RARB: variants seen among roughly 807,000 people sequenced by gnomAD.
The protein encoded by RARB is HBV-activated protein.
Under a neutral mutation model 51.9 loss-of-function variants are expected in RARB, and 17 were observed. That is an observed-to-expected ratio of 0.33 (90% CI 0.22 to 0.49). RARB has a LOEUF of 0.49. Among genes scored for constraint, RARB ranks in the 20% least tolerant of loss-of-function variants. The pLI is 0.99. For missense variants in RARB, 369 were observed against 550.8 expected (o/e 0.67, Z 3.30); for synonymous variants, 215 against 195.4 (o/e 1.10, Z -0.84).
At chr3:24,877,471 T>A (rs1386429785) in intron 2 of RARB, among the ~76,000 whole-genome samples, 1 of 151,006 alleles carries the variant, frequency 6.6e-6, no homozygotes, top group African/African-American at 2.4e-5. Flanking sequence ...GAGAATTTGT[T>A]GAAAGGCTAT....
intron 5 of RARB, among the ~76,000 whole-genome samples, chr3:25,422,627 A>G (rs997909937): frequency 2.0e-5 from 3 of 152,090 alleles, no homozygotes; most frequent in African/African-American, 7.2e-5. Flanking sequence ...GGAAATGAAG[A>G]CAATAAGGTA....
intron 2 of RARB, among the ~76,000 whole-genome samples, chr3:24,956,528 C>T (rs1044018926): frequency 5.4e-4 from 82 of 152,128 alleles, no homozygotes; most frequent in Non-Finnish European, 7.1e-4. Flanking sequence ...GGCTCTGAAA[C>T]CAGGATCTGA....
chr3:25,399,859 C>G (rs1707217587), intron 5 of RARB, among the ~76,000 whole-genome samples: 1 of 152,292 alleles, frequency 6.6e-6, no homozygotes, highest in South Asian at 2.1e-4. Flanking sequence ...CTGGGTCTCC[C>G]ACCACGAATG....
chr3:25,166,915 C>T (rs73145385), intron 4 of RARB, among the ~76,000 whole-genome samples: 3,295 of 152,242 alleles, frequency 0.022, 142 homozygotes, highest in African/African-American at 0.075. Context: ...CAAGCCAAAT[C>T]CCATCTATAT....
At chr3:24,868,785 C>CT (rs1454550130) in intron 2 of RARB, among the ~76,000 whole-genome samples, 1 of 152,168 alleles carries the variant, frequency 6.6e-6, no homozygotes, top group Non-Finnish European at 1.5e-5. Context: ...TAGACAATAA[C>CT]TTTTTGAATC....
chr3:25,591,993 C>G (rs1313273995), intron 5 of RARB, among the ~76,000 whole-genome samples: 2 of 152,200 alleles, frequency 1.3e-5, no homozygotes, highest in Non-Finnish European at 2.9e-5. Context: ...GTGGATCCAC[C>G]ACCAGTCAGA....
intron 5 of RARB, among the ~76,000 whole-genome samples, chr3:25,335,591 G>C (rs888568245): frequency 1.3e-5 from 2 of 152,114 alleles, no homozygotes; most frequent in East Asian, 3.9e-4. Context: ...TCTGCCCTAG[G>C]GTAACTGCTA....
intron 3 of RARB, among the ~76,000 whole-genome samples, chr3:25,077,590 T>C (rs1698896620): frequency 1.3e-5 from 2 of 152,186 alleles, no homozygotes. Context: ...CTTTGGTGGA[T>C]GGACATTTGG....
chr3:25,025,848 C>T lies in RARB; in HGVS notation c.-379-34277C>T, dbSNP rs150750525. Among the ~76,000 whole-genome samples, 624 of 152,098 alleles carry T rather than the reference C, an allele frequency of 4.1e-3. 4 individuals carry two copies. Among genetic ancestry groups the T allele is most frequent in the African/African-American group, 0.014 (582 of 41,488 alleles). Reference sequence around the variant, plus strand: ...TCCCATTAAGTGTCAGTTTGCAAAACGCATTATAAGGATAAGAAATCTGTA... The same window carrying T: ...TCCCATTAAGTGTCAGTTTGCAAAATGCATTATAAGGATAAGAAATCTGTA... On this transcript the variant is annotated intron_variant, in intron 2 of 11. Transcript: ENST00000383772.
chr3:24,931,645 T>C (rs763458881), intron 2 of RARB, among the ~76,000 whole-genome samples: 2 of 152,102 alleles, frequency 1.3e-5, no homozygotes, highest in African/African-American at 4.8e-5. Context: ...CACAAAACTT[T>C]GCACTGAACA....
At chr3:24,912,008 T>TA (rs1049010995) in intron 2 of RARB, among the ~76,000 whole-genome samples, 30 of 152,300 alleles carry the variant, frequency 2.0e-4, no homozygotes, top group Middle Eastern at 3.4e-3. Flanking sequence ...CGTGCAATGA[T>TA]AAAAAAACAT....
intron 2 of RARB, among the ~76,000 whole-genome samples, chr3:24,868,136 A>G (rs1702884429): frequency 1.3e-5 from 2 of 152,152 alleles, no homozygotes; most frequent in South Asian, 4.1e-4. Flanking sequence ...TTACTCTTCA[A>G]TCTTTTTAAT....
At chr3:25,443,592 G>A (rs959022325) in intron 1 of RARB, among the ~76,000 whole-genome samples, 2 of 147,382 alleles carry the variant, frequency 1.4e-5, no homozygotes, top group Non-Finnish European at 3.0e-5. Flanking sequence ...TAGCCTGGGC[G>A]ACAGACAGAC....
At chr3:25,347,772 C>A (rs1010348992) in intron 5 of RARB, among the ~76,000 whole-genome samples, 1 of 152,130 alleles carries the variant, frequency 6.6e-6, no homozygotes, top group Non-Finnish European at 1.5e-5. Flanking sequence ...AGAGTGAATG[C>A]AATGAAACTC....
At chr3:25,355,693 C>G (rs892351607) in intron 5 of RARB, among the ~76,000 whole-genome samples, 1 of 152,100 alleles carries the variant, frequency 6.6e-6, no homozygotes, top group African/African-American at 2.4e-5. Flanking sequence ...TGTTATCAGA[C>G]TGAAAGCAAA....
intron 4 of RARB, among the ~76,000 whole-genome samples, chr3:25,164,741 T>C (rs996788315): frequency 2.0e-5 from 3 of 152,244 alleles, no homozygotes; most frequent in Admixed American, 6.5e-5. Flanking sequence ...TTCCATAAAC[T>C]TATTTTCAAA....
At chr3:25,326,592 A>G (rs980922792) in intron 5 of RARB, among the ~76,000 whole-genome samples, 1 of 152,208 alleles carries the variant, frequency 6.6e-6, no homozygotes, top group Admixed American at 6.5e-5. Context: ...TACACCTTAA[A>G]AGTCCAACTG....
At chr3:25,039,232 C>T (rs540298110) in intron 2 of RARB, among the ~76,000 whole-genome samples, 38 of 152,198 alleles carry the variant, frequency 2.5e-4, no homozygotes, top group African/African-American at 7.7e-4. Context: ...GAGGCAGAGG[C>T]GAAGTGGGAA....
At chr3:25,458,954 C>G (rs1255941649) in intron 1 of RARB, among the ~76,000 whole-genome samples, 3 of 152,166 alleles carry the variant, frequency 2.0e-5, no homozygotes, top group Non-Finnish European at 4.4e-5. Context: ...GCTAATTCAA[C>G]AAATATTTAT....
Sources: gnomAD v4.1 joint callset for allele counts (sites outside exome capture counted in the v4.1 genomes callset) on GRCh38, gnomAD v4.1.1 for gene constraint, MANE v1.5 for transcripts, NCBI Gene and HGNC (gene_info 2026-07-23, HGNC 2026-07-21) for gene names.